The following TMEM102 variants were observed in gnomAD, a reference collection of about 807,000 sequenced individuals.
TMEM102 encodes the protein DANGER family member 2B.
In TMEM102, 28 loss-of-function variants were observed where a neutral mutation model predicts 26.8. The ratio of observed to expected loss-of-function variants is 1.05; its 90% CI spans 0.77 to 1.43. The LOEUF (loss-of-function observed/expected upper bound fraction) is 1.43. TMEM102 is among the 40% of genes most tolerant of loss of function. TMEM102 has a pLI of 0.00. For missense variants in TMEM102, 677 were observed against 705.6 expected (o/e 0.96, Z 0.46); for synonymous variants, 306 against 332.1 (o/e 0.92, Z 0.86).
At position 7,437,233 on chromosome 17, in the gene TMEM102, G is replaced by A; in HGVS notation, c.1254G>A (p.Arg418=). ...LRTLLYWACE[R]LPALYLARPE... is the part of the protein sequence containing the mutation. ...CGCTGCTGTACTGGGCGTGCGAGCG[G>A]CTGCCTGCGCTCTACCTGGCGCGGC... The change falls in exon 3 of 3, where the codon CGG becomes CGA. Residue 418 remains arginine (R), a synonymous_variant. Coordinates refer to ENST00000323206, the MANE Select transcript of TMEM102 (RefSeq NM_178518.3). This position sits in a 1 kb window ranked among gnomAD's most constrained non-coding sequence, Gnocchi z 4.2. 1 of 1,515,298 alleles carries A rather than the reference G, an allele frequency of 6.6e-7. No individual in the cohort carries two copies. The highest frequency in any genetic ancestry group is 8.8e-7 in the Non-Finnish European group (1 of 1,134,620). The allele number at this position is 1,515,298 out of a possible 1,614,324, so 93.9% of individuals were successfully genotyped here. A position where few individuals can be genotyped will look rare whatever the true frequency, so the allele number is the denominator to read the frequency against.
Position 7,435,944 on chromosome 17 carries a change from G to T in TMEM102, c.73G>T (p.Asp25Tyr). The T allele has an allele frequency of 6.2e-7, 1 of 1,612,714 alleles. No homozygotes were observed. The highest frequency in any genetic ancestry group is 8.5e-7 in the Non-Finnish European group (1 of 1,179,850). The change falls in exon 2 of 3, where the codon GAC becomes TAC. Residue 25 changes from aspartate (D) to tyrosine (Y), a missense_variant. By Grantham distance (160) the Asp-to-Tyr change is radical. Transcript: ENST00000323206. Reference protein sequence around the residue: ...PPPAPARPLTDIDFCSGAQLQ... With the variant: ...PPPAPARPLTYIDFCSGAQLQ... Reference sequence around the variant, plus strand: ...CCCGGCCCCAGCTCGGCCGCTCACGGACATCGACTTCTGCTCCGGGGCGCA... The same window carrying T: ...CCCGGCCCCAGCTCGGCCGCTCACGTACATCGACTTCTGCTCCGGGGCGCA...
chr17:7,436,610 A>T lies in TMEM102; in HGVS notation c.631A>T (p.Ser211Cys). 6.2e-7 allele frequency: 1 copy of T among 1,614,000 alleles called. No homozygotes were observed. Among genetic ancestry groups the T allele is most frequent in the Non-Finnish European group, 8.5e-7 (1 of 1,180,012 alleles). ...GCCGGTGTCTTTGGAAAAATCGCCT[A>T]GTGACGTTTCAGCGTCCGAGTCGCC... ...EAPVSLEKSP[S>C]DVSASESPQH... Residue 211 changes from serine to cysteine, a missense_variant, in exon 3 of 3, where the codon AGT (serine) becomes TGT (cysteine). Transcript: ENST00000323206.
Position 7,436,072 on chromosome 17 carries a change from C to T in TMEM102, c.201C>T (p.Val67=). 1.2e-6 allele frequency: 2 copies of T among 1,613,684 alleles called. No homozygotes were observed. The highest frequency in any genetic ancestry group is 1.7e-6 in the Non-Finnish European group (2 of 1,179,912). ...GADLLRAKDF[V]FSLLGLVHRR... is the part of the protein sequence containing the mutation. ...ATCTCCTCCGGGCCAAGGACTTTGT[C>T]TTCTCTTTGCTTGGTAAGTAACCCT... The change falls in exon 2 of 3, where the codon GTC becomes GTT. Residue 67 remains valine (V), a synonymous_variant. Transcript: ENST00000323206.
Position 7,437,025 on chromosome 17 carries a change from T to C in TMEM102, c.1046T>C (p.Leu349Pro), listed in dbSNP as rs769300073. 3.1e-6 allele frequency: 5 copies of C among 1,590,650 alleles called. No homozygotes were observed. The highest frequency in any genetic ancestry group is 2.7e-5 in the African/African-American group (2 of 74,866). Residue 349 changes from leucine to proline, a missense_variant, in exon 3 of 3, where the codon CTG (leucine) becomes CCG (proline). By Grantham distance (98) the Leu-to-Pro change is moderately conservative. Coordinates refer to ENST00000323206, the MANE Select transcript of TMEM102 (RefSeq NM_178518.3). The surrounding 1 kb of genome is among the most constrained non-coding windows in gnomAD (Gnocchi z 4.2). ...GCCTCTGAGTCGGCTTCCTTCTACC[T>C]GGTGCCCGGTGGCGGCACCGAGCGG... The part of the protein sequence containing the change: ...PLASESASFY[L>P]VPGGGTERPC...
rs377039296 is a variant in TMEM102 at position 7,436,402 on chromosome 17, C to T, written c.423C>T (p.Tyr141=). The T allele has an allele frequency of 3.0e-5, 49 of 1,613,790 alleles. No individual in the cohort carries two copies. Among genetic ancestry groups the T allele is most frequent in the Non-Finnish European group, 4.2e-5 (49 of 1,180,056 alleles). Residue 141 remains tyrosine (Y), a synonymous_variant, in exon 3 of 3, where the codon TAC becomes TAT. Transcript: ENST00000323206. ...TGCAACTGGACCTGGAATCCTGTTA[C>T]GCACAGGTCTGCCTCCCAGAGATGG... The part of the protein sequence containing the change: ...TELQLDLESC[Y]AQVCLPEMVC...
chr17:7,435,810 A>G (rs1438241752), intron 1 of TMEM102, 43 bp from the exon 2 acceptor site: 1 of 1,472,852 alleles, frequency 6.8e-7, no homozygotes, highest in Non-Finnish European at 9.2e-7. Flanking sequence ...AACGGGGACG[A>G]CTTTGTGGCA....
chr17:7,437,560 G>A lies in TMEM102; in HGVS notation c.*54G>A, dbSNP rs1291068126. On this transcript the variant is annotated 3_prime_UTR_variant, in exon 3 of 3. Transcript: ENST00000323206. The surrounding 1 kb of genome is among the most constrained non-coding windows in gnomAD (Gnocchi z 4.2). ...CTCTGTGGGCGAGCGGGACGTGGGG[G>A]GCCCTGCTCGCCCCTCGCCAGGGGG... 2 of 1,209,126 alleles carry A rather than the reference G, an allele frequency of 1.7e-6. No individual in the cohort carries two copies. Among genetic ancestry groups the A allele is most frequent in the East Asian group, 3.2e-5 (1 of 31,586 alleles). 74.9% of individuals were successfully genotyped at this position (1,209,126 alleles called of 1,614,324 possible). A position where few individuals can be genotyped will look rare whatever the true frequency, so the allele number is the denominator to read the frequency against.
Position 7,435,936 on chromosome 17 carries a change from C to G in TMEM102, c.65C>G (p.Pro22Arg), listed in dbSNP as rs1375927627. 1.2e-6 allele frequency: 2 copies of G among 1,612,150 alleles called. No homozygotes were observed. The highest frequency in any genetic ancestry group is 1.7e-6 in the Non-Finnish European group (2 of 1,179,698). The part of the protein sequence containing the change: ...WGPPPPAPAR[P>R]LTDIDFCSGA... ...CCGCCGCCCCCGGCCCCAGCTCGGC[C>G]GCTCACGGACATCGACTTCTGCTCC... Residue 22 changes from proline (P) to arginine (R), a missense_variant, in exon 2 of 3, where the codon CCG becomes CGG. Transcript: ENST00000323206.
chr17:7,436,971 C>T lies in TMEM102; in HGVS notation c.992C>T (p.Ala331Val). ...VVSVAGWPEG[A>V]RSHSWAGPLA... ...TCCGTGGCGGGCTGGCCCGAGGGGG[C>T]TCGGAGCCACTCGTGGGCCGGTCCG... Residue 331 changes from alanine to valine, a missense_variant, in exon 3 of 3, where the codon GCT becomes GTT. Transcript: ENST00000323206. The T allele has an allele frequency of 6.3e-7, 1 of 1,599,812 alleles. No homozygotes were observed. The highest frequency in any genetic ancestry group is 8.5e-7 in the Non-Finnish European group (1 of 1,178,518).
At position 7,437,548 on chromosome 17, in the gene TMEM102, CGGG is replaced by C; in HGVS notation, c.*43_*45del. 7.8e-7 allele frequency: 1 copy of C among 1,275,994 alleles called. No homozygotes were observed. The highest frequency in any genetic ancestry group is 1.0e-6 in the Non-Finnish European group (1 of 990,824). The allele number at this position is 1,275,994 out of a possible 1,614,324, so 79.0% of individuals were successfully genotyped here. On this transcript the variant is annotated 3_prime_UTR_variant, in exon 3 of 3. Coordinates refer to ENST00000323206, the MANE Select transcript of TMEM102 (RefSeq NM_178518.3). This position sits in a 1 kb window ranked among gnomAD's most constrained non-coding sequence, Gnocchi z 4.2. ...AGTGGAAAGTGCCTCTGTGGGCGAG[CGGG>C]ACGTGGGGGGCCCTGCTCGCCCCTC...
chr17:7,437,213 C>A lies in TMEM102; in HGVS notation c.1234C>A (p.Leu412Met). Residue 412 changes from leucine to methionine, a missense_variant, in exon 3 of 3, where the codon CTG becomes ATG. Transcript: ENST00000323206. This position sits in a 1 kb window ranked among gnomAD's most constrained non-coding sequence, Gnocchi z 4.2. ...GGCGCCCTACCTCCTGCGGACGCTG[C>A]TGTACTGGGCGTGCGAGCGGCTGCC... ...AAAPYLLRTLLYWACERLPAL... is the reference protein window; with the variant it reads ...AAAPYLLRTLMYWACERLPAL... 1 of 1,512,744 alleles carries A rather than the reference C, an allele frequency of 6.6e-7. No homozygotes were observed. The highest frequency in any genetic ancestry group is 8.8e-7 in the Non-Finnish European group (1 of 1,134,498). 93.7% of individuals were successfully genotyped at this position (1,512,744 alleles called of 1,614,324 possible).
Position 7,436,331 on chromosome 17 carries a change from G to A in TMEM102, c.352G>A (p.Gly118Ser), listed in dbSNP as rs757787595. 8.1e-6 allele frequency: 13 copies of A among 1,613,650 alleles called. No individual in the cohort carries two copies. The Admixed American group carries it at 2.0e-4, about 25-fold the overall frequency. Residue 118 changes from glycine (G) to serine (S), a missense_variant, in exon 3 of 3, where the codon GGC (glycine) becomes AGC (serine). Physicochemically the swap from Gly to Ser is moderately conservative, Grantham distance 56 (BLOSUM62 0). Transcript: ENST00000323206. ...CGCCCGGGGACCTCACTACGATGCC[G>A]GCTTCACACTCCTAGTGCCCATGTT... ...PYARGPHYDA[G>S]FTLLVPMFSL...
rs1908064278 is a variant in TMEM102, at chr17:7,437,083, C to T, written c.1104C>T (p.Ala368=). The T allele has an allele frequency of 6.6e-7, 1 of 1,518,936 alleles. No individual in the cohort carries two copies. The highest frequency in any genetic ancestry group is 1.4e-5 in the African/African-American group (1 of 71,578). The allele number at this position is 1,518,936 out of a possible 1,614,324, so 94.1% of individuals were successfully genotyped here. The change falls in exon 3 of 3, where the codon GCC becomes GCT. Residue 368 remains alanine (A), a synonymous_variant. Coordinates refer to ENST00000323206, the MANE Select transcript of TMEM102 (RefSeq NM_178518.3). This position sits in a 1 kb window ranked among gnomAD's most constrained non-coding sequence, Gnocchi z 4.2. ...CCTCCGCCTGGCAGCTCTGTTTTGC[C>T]CGCCAGGAGCTGGCGCTCAAAGCGC... ...PCASAWQLCF[A]RQELALKARI... is the part of the protein sequence containing the mutation.
chr17:7,437,282 C>T lies in TMEM102; in HGVS notation c.1303C>T (p.Leu435Phe), dbSNP rs534289886. 2 of 1,543,926 alleles carry T rather than the reference C, an allele frequency of 1.3e-6. No homozygotes were observed. Among genetic ancestry groups the T allele is most frequent in the Non-Finnish European group, 1.7e-6 (2 of 1,150,958 alleles). Reference sequence around the variant, plus strand: ...GCCAGAAAATGCGGGCGCCTGCTGCCTCGGGCTGCTAGACGAGCTCGGCCG... The same window carrying T: ...GCCAGAAAATGCGGGCGCCTGCTGCTTCGGGCTGCTAGACGAGCTCGGCCG... ...ARPENAGACC[L>F]GLLDELGRVL... Residue 435 changes from leucine to phenylalanine, a missense_variant, in exon 3 of 3, where the codon CTC becomes TTC. Leu to Phe is a conservative substitution (Grantham distance 22, BLOSUM62 0). Coordinates refer to ENST00000323206, the MANE Select transcript of TMEM102 (RefSeq NM_178518.3). This position sits in a 1 kb window ranked among gnomAD's most constrained non-coding sequence, Gnocchi z 4.2.
chr17:7,436,057 G>C lies in TMEM102; in HGVS notation c.186G>C (p.Arg62=), dbSNP rs770463639. 1 of 1,613,850 alleles carries C rather than the reference G, an allele frequency of 6.2e-7. No individual in the cohort carries two copies. Among genetic ancestry groups the C allele is most frequent in the Non-Finnish European group, 8.5e-7 (1 of 1,180,020 alleles). ...CCAAGCCGGGAGCCGATCTCCTCCG[G>C]GCCAAGGACTTTGTCTTCTCTTTGC... ...DGPKPGADLL[R]AKDFVFSLLG... is the part of the protein sequence containing the mutation. Residue 62 remains arginine, a synonymous_variant, in exon 2 of 3, where the codon CGG becomes CGC. Coordinates refer to ENST00000323206, the MANE Select transcript of TMEM102 (RefSeq NM_178518.3).
chr17:7,437,442 T>G lies in TMEM102; in HGVS notation c.1463T>G (p.Val488Gly). 6.9e-7 allele frequency: 1 copy of G among 1,451,020 alleles called. No individual in the cohort carries two copies. Among genetic ancestry groups the G allele is most frequent in the Admixed American group, 2.8e-5 (1 of 35,696 alleles). 89.9% of individuals were successfully genotyped at this position (1,451,020 alleles called of 1,614,324 possible). A position where few individuals can be genotyped will look rare whatever the true frequency, so the allele number is the denominator to read the frequency against. ...GDPARALRAAVEEAKVARKGG... is the reference protein window; with the variant it reads ...GDPARALRAAGEEAKVARKGG... ...CCGGCCCGGGCCCTCCGTGCCGCGGTGGAGGAGGCCAAAGTGGCCCGCAAG... is the reference window on the plus strand; with the variant it reads ...CCGGCCCGGGCCCTCCGTGCCGCGGGGGAGGAGGCCAAAGTGGCCCGCAAG... Residue 488 changes from valine (V) to glycine (G), a missense_variant, in exon 3 of 3, where the codon GTG (valine) becomes GGG (glycine). Physicochemically the swap from Val to Gly is moderately radical, Grantham distance 109. Transcript: ENST00000323206. This position sits in a 1 kb window ranked among gnomAD's most constrained non-coding sequence, Gnocchi z 4.2.
rs1005457835 is a variant in TMEM102, at chr17:7,437,616, C to T, written c.*110C>T. 1.7e-5 allele frequency: 14 copies of T among 817,676 alleles called. No homozygotes were observed. Among genetic ancestry groups the T allele is most frequent in the Admixed American group, 4.2e-5 (1 of 23,542 alleles). 50.7% of individuals were successfully genotyped at this position (817,676 alleles called of 1,614,324 possible). A position where few individuals can be genotyped will look rare whatever the true frequency, so the allele number is the denominator to read the frequency against. The stretch of plus-strand genomic sequence containing the variant: ...CTGTGTGCCCTGGGCCTGAAGCCCC[C>T]CTTCTGGAAGACCTCCCTGTTGGTT... On this transcript the variant is annotated 3_prime_UTR_variant, in exon 3 of 3. Coordinates refer to ENST00000323206, the MANE Select transcript of TMEM102 (RefSeq NM_178518.3). This position sits in a 1 kb window ranked among gnomAD's most constrained non-coding sequence, Gnocchi z 4.2.
chr17:7,435,657 G>A lies in TMEM102; in HGVS notation c.-59G>A, dbSNP rs568805430. ...GAGTCCGGTGAACCAGTTCATGGGG[G>A]CGGGGACCTGCCTATGAGAAAAGGG... On this transcript the variant is annotated 5_prime_UTR_variant, in exon 1 of 3. Coordinates refer to ENST00000323206, the MANE Select transcript of TMEM102 (RefSeq NM_178518.3). 14 of 499,478 alleles carry A rather than the reference G, an allele frequency of 2.8e-5. No homozygotes were observed. In the East Asian group the frequency reaches 3.7e-4, roughly 13 times the overall value. 30.9% of individuals were successfully genotyped at this position (499,478 alleles called of 1,614,324 possible).
Position 7,436,045 on chromosome 17 carries a change from C to T in TMEM102, c.174C>T (p.Ala58=). 1.2e-6 allele frequency: 2 copies of T among 1,613,890 alleles called. No homozygotes were observed. The highest frequency in any genetic ancestry group is 1.7e-6 in the Non-Finnish European group (2 of 1,180,032). The part of the protein sequence containing the change: ...ESWSDGPKPG[A]DLLRAKDFVF... The stretch of plus-strand genomic sequence containing the variant: ...GGAGTGACGGGCCCAAGCCGGGAGC[C>T]GATCTCCTCCGGGCCAAGGACTTTG... Residue 58 remains alanine (A), a synonymous_variant, in exon 2 of 3, where the codon GCC becomes GCT. Transcript: ENST00000323206.
Sources: allele counts gnomAD v4.1 joint callset, GRCh38; gene constraint gnomAD v4.1.1; non-coding constraint Gnocchi (gnomAD v3.1); transcripts MANE v1.5; gene names NCBI Gene and HGNC (gene_info 2026-07-23, HGNC 2026-07-21).